The following ST8SIA6 variants were observed in gnomAD, a reference collection of about 807,000 sequenced individuals.
The protein encoded by ST8SIA6 is alpha-2,8-sialyltransferase 8F.
Under a neutral mutation model 33.6 loss-of-function variants are expected in ST8SIA6, and 39 were observed. The observed-to-expected ratio is 1.16, with a 90% CI of 0.90 to 1.52. The LOEUF (loss-of-function observed/expected upper bound fraction) is 1.52. ST8SIA6 is among the 40% of genes most tolerant of loss of function. The probability of loss-of-function intolerance (pLI) is 0.00; values close to 1 mark genes in which losing one functional copy is unlikely to be tolerated. For synonymous variants in ST8SIA6, 172 were observed against 167.2 expected (o/e 1.03, Z -0.22); for missense variants, 441 against 443.8 (o/e 0.99, Z 0.06).
At chr10:17,427,118 A>AAG in intron 2 of ST8SIA6, among the ~76,000 whole-genome samples, 1 of 151,352 alleles carries the variant, frequency 6.6e-6, no homozygotes, top group Non-Finnish European at 1.5e-5. Context: ...AAAAAAAAAA[A>AAG]GTTCTGTGCA....
chr10:17,410,715 A>G (rs1851420991), intron 2 of ST8SIA6: 1 of 152,192 alleles, frequency 6.6e-6, no homozygotes, highest in Non-Finnish European at 1.5e-5. Flanking sequence ...CAGATGGAAA[A>G]ACAAAATAAG....
chr10:17,437,141 C>T (rs1392724509), intron 2 of ST8SIA6, among the ~76,000 whole-genome samples: 2 of 151,842 alleles, frequency 1.3e-5, no homozygotes, highest in Non-Finnish European at 2.9e-5. Flanking sequence ...ATTCATTTCT[C>T]TCTCTCTCTC....
intron 4 of ST8SIA6, among the ~76,000 whole-genome samples, chr10:17,332,934 A>T (rs1166384567): frequency 6.6e-6 from 1 of 151,984 alleles, no homozygotes; most frequent in African/African-American, 2.4e-5. Context: ...AATTTGCTTC[A>T]GTTCCTTGTA....
At chr10:17,372,803 T>A (rs1715407457) in intron 3 of ST8SIA6, among the ~76,000 whole-genome samples, 2 of 152,220 alleles carry the variant, frequency 1.3e-5, no homozygotes, top group Admixed American at 1.3e-4. Context: ...TCACAAAGTC[T>A]CTTATGACCT....
chr10:17,327,690 T>C (rs550222661), intron 5 of ST8SIA6, among the ~76,000 whole-genome samples: 1 of 152,230 alleles, frequency 6.6e-6, no homozygotes, highest in African/African-American at 2.4e-5. Context: ...GAGAGTCACT[T>C]GAGGCCAAGA....
At chr10:17,426,406 CTG>C (rs1225388900) in intron 2 of ST8SIA6, among the ~76,000 whole-genome samples, 2 of 152,134 alleles carry the variant, frequency 1.3e-5, no homozygotes, top group African/African-American at 2.4e-5. Flanking sequence ...ACATGGCTAA[CTG>C]AGAAACTGCA....
rs768670318 is a variant in ST8SIA6, at chr10:17,321,184, T to C, written c.891A>G (p.Leu297=). The change falls in exon 8 of 8, where the codon CTA becomes CTG. Residue 297 remains leucine, a synonymous_variant. Transcript: ENST00000377602. ...LEESKARQKV[L]FFHPKYLKDL... is the part of the protein sequence containing the mutation. Reference sequence around the variant, plus strand: ...CTTTCAGGTACTTGGGATGGAAAAATAGAACCTTTTGTCTTGCTTTAGACT... The same window carrying C: ...CTTTCAGGTACTTGGGATGGAAAAACAGAACCTTTTGTCTTGCTTTAGACT... 1.2e-6 allele frequency: 2 copies of C among 1,614,038 alleles called. No individual in the cohort carries two copies. Among genetic ancestry groups the C allele is most frequent in the East Asian group, 4.5e-5 (2 of 44,884 alleles).
In ST8SIA6 at chr10:17,315,892, C is replaced by T. The variant is rs941576093; in HGVS notation, c.*4986G>A. 2.0e-5 allele frequency among the ~76,000 whole-genome samples: 3 copies of T among 151,866 alleles called. No homozygotes were observed. Among genetic ancestry groups the T allele is most frequent in the African/African-American group, 7.2e-5 (3 of 41,398 alleles). On this transcript the variant is annotated 3_prime_UTR_variant, in exon 8 of 8. Coordinates refer to ENST00000377602, the MANE Select transcript of ST8SIA6 (RefSeq NM_001004470.3). ...TGTGCCATTTATTACATGTCAATGA[C>T]ATGGGATAATACTGATTTTTCTTTT... is the stretch of plus-strand genomic sequence containing the variant.
chr10:17,383,443 G>C (rs1180924924), intron 3 of ST8SIA6, among the ~76,000 whole-genome samples: 4 of 152,116 alleles, frequency 2.6e-5, no homozygotes, highest in Non-Finnish European at 5.9e-5. Flanking sequence ...CCAAAATTAT[G>C]GGAAACTCCT....
intron 2 of ST8SIA6, among the ~76,000 whole-genome samples, chr10:17,429,722 C>T (rs570485747): frequency 5.9e-5 from 9 of 152,202 alleles, no homozygotes; most frequent in Admixed American, 2.6e-4. Flanking sequence ...TAGGCTCAAG[C>T]GATCTGACCG....
At chr10:17,444,476 T>C (rs911486540) in intron 2 of ST8SIA6, among the ~76,000 whole-genome samples, 6 of 152,164 alleles carry the variant, frequency 3.9e-5, no homozygotes, top group Non-Finnish European at 5.9e-5. Flanking sequence ...CATTTCTTCA[T>C]GAACTGCTGC....
At chr10:17,413,403 T>C (rs1851512205) in intron 2 of ST8SIA6, 1 of 152,188 alleles carries the variant, frequency 6.6e-6, no homozygotes, top group Non-Finnish European at 1.5e-5. Context: ...CTCATTCTGC[T>C]TGAGCAATTC....
chr10:17,319,212 G>A lies in ST8SIA6; in HGVS notation c.*1666C>T, dbSNP rs749521599. 3.9e-5 allele frequency among the ~76,000 whole-genome samples: 6 copies of A among 152,126 alleles called. No homozygotes were observed. In the South Asian group the frequency reaches 6.2e-4, roughly 16 times the overall value. ...CAGCTATGTAAATCATAAAACATGCGTCACAGTTCTTGTCGCTCTGTAATG... is the reference window on the plus strand; with the variant it reads ...CAGCTATGTAAATCATAAAACATGCATCACAGTTCTTGTCGCTCTGTAATG... On this transcript the variant is annotated 3_prime_UTR_variant, in exon 8 of 8. Coordinates refer to ENST00000377602, the MANE Select transcript of ST8SIA6 (RefSeq NM_001004470.3).
intron 2 of ST8SIA6, among the ~76,000 whole-genome samples, chr10:17,395,980 G>C (rs1850791581): frequency 6.6e-6 from 1 of 152,196 alleles, no homozygotes; most frequent in Admixed American, 6.5e-5. Context: ...AAAGAGATAA[G>C]TTATGGGAGA....
intron 2 of ST8SIA6, among the ~76,000 whole-genome samples, chr10:17,431,002 A>G (rs1222085841): frequency 6.6e-6 from 1 of 152,214 alleles, no homozygotes; most frequent in Non-Finnish European, 1.5e-5. Context: ...CGAGACATTT[A>G]TATTTCTAGA....
intron 2 of ST8SIA6, among the ~76,000 whole-genome samples, chr10:17,395,541 C>CA (rs895715146): frequency 7.3e-5 from 11 of 150,134 alleles, no homozygotes; most frequent in South Asian, 2.1e-4. Flanking sequence ...AATTCTGAGA[C>CA]AAAAAAAAAA....
intron 2 of ST8SIA6, among the ~76,000 whole-genome samples, chr10:17,423,665 A>G (rs77271481): frequency 1.3e-5 from 2 of 152,278 alleles, no homozygotes; most frequent in East Asian, 3.9e-4. Context: ...GCATCCCTAG[A>G]ACAACACGAC....
chr10:17,358,676 GAA>G (rs1252602840), intron 4 of ST8SIA6, among the ~76,000 whole-genome samples: 1 of 68,558 alleles, frequency 1.5e-5, no homozygotes, highest in Non-Finnish European at 3.0e-5. Flanking sequence ...AAAGAAGAAA[GAA>G]GAAGAGGAAG....
chr10:17,348,628 C>T lies in ST8SIA6; in HGVS notation c.377+10886G>A, dbSNP rs147816231. Reference sequence around the variant, plus strand: ...CATACCTAAAGGGGCCCTAACTGCTCCCAGAAAGCCAGCGCGCATCTCAGG... The same window carrying T: ...CATACCTAAAGGGGCCCTAACTGCTTCCAGAAAGCCAGCGCGCATCTCAGG... On this transcript the variant is annotated intron_variant, in intron 4 of 7. Coordinates refer to ENST00000377602, the MANE Select transcript of ST8SIA6 (RefSeq NM_001004470.3). Among the ~76,000 whole-genome samples the T allele has an allele frequency of 1.8e-4, 28 of 152,272 alleles. 1 individual carries two copies. In the East Asian group the frequency reaches 5.2e-3, roughly 28 times the overall value.
Sources: allele counts gnomAD v4.1 joint callset (sites outside exome capture counted in the v4.1 genomes callset), GRCh38; gene constraint gnomAD v4.1.1; transcripts MANE v1.5; gene names NCBI Gene and HGNC (gene_info 2026-07-23, HGNC 2026-07-21).